The following ANK2 variants were observed in gnomAD, a reference collection of about 807,000 sequenced individuals.
The protein encoded by ANK2 is ankyrin-2.
Under a neutral mutation model 360.5 loss-of-function variants are expected in ANK2, and 83 were observed. That is an observed-to-expected ratio of 0.23 (90% CI 0.19 to 0.28). The LOEUF (loss-of-function observed/expected upper bound fraction) is 0.28, where lower values mean the gene tolerates loss of function less well. ANK2 is among the 10% of genes least tolerant of loss of function. The pLI, the probability that ANK2 is intolerant of heterozygous loss-of-function variation, is 1.00. For missense variants in ANK2, 4,201 were observed against 4,795.7 expected (o/e 0.88, Z 3.66); for synonymous variants, 1,740 against 1,759.5 (o/e 0.99, Z 0.28).
chr4:112,835,708 A>T (rs1040626109), intron 1 of ANK2, among the ~76,000 whole-genome samples: 6 of 152,204 alleles, frequency 3.9e-5, no homozygotes, highest in African/African-American at 7.2e-5. Flanking sequence ...GGATTAAATT[A>T]AAAAACTATC....
At chr4:113,314,962 C>G (rs1338018803) in intron 24 of ANK2, among the ~76,000 whole-genome samples, 1 of 152,018 alleles carries the variant, frequency 6.6e-6, no homozygotes, top group Non-Finnish European at 1.5e-5. Flanking sequence ...ATTGTTGCTC[C>G]CTCTCTCTGT....
chr4:113,246,036 T>C (rs1240948967), intron 9 of ANK2, among the ~76,000 whole-genome samples: 1 of 152,226 alleles, frequency 6.6e-6, no homozygotes, highest in Non-Finnish European at 1.5e-5. Context: ...CCTCAGGTGA[T>C]CTGCCCGCCT....
intron 18 of ANK2, among the ~76,000 whole-genome samples, chr4:113,283,805 G>A (rs539927769): frequency 2.0e-5 from 3 of 152,202 alleles, no homozygotes; most frequent in East Asian, 1.9e-4. Flanking sequence ...TGAAAATTAC[G>A]TTTCTTAGCT....
intron 1 of ANK2, among the ~76,000 whole-genome samples, chr4:113,172,576 C>A (rs906109213): frequency 1.3e-5 from 2 of 152,056 alleles, no homozygotes; most frequent in Non-Finnish European, 2.9e-5. Flanking sequence ...GAGCTCTGTT[C>A]CTGACCCACT....
chr4:113,350,822 C>G (rs1210867645), intron 37 of ANK2: 1 of 139,484 alleles, frequency 7.2e-6, no homozygotes, highest in Non-Finnish European at 1.5e-5. Flanking sequence ...TCTGTGAAAA[C>G]TTTCTGAAAA....
chr4:113,289,197 T>A (rs1233298800), intron 20 of ANK2, among the ~76,000 whole-genome samples: 2 of 150,334 alleles, frequency 1.3e-5, no homozygotes, highest in African/African-American at 4.9e-5. Context: ...TAAGTTCATA[T>A]ATCAGAAATT....
intron 31 of ANK2, 28 bp from the exon 32 acceptor site, chr4:113,339,198 A>G (rs762424607): frequency 3.1e-5 from 49 of 1,584,456 alleles, no homozygotes; most frequent in African/African-American, 4.0e-5. Flanking sequence ...GTTTTGCCTG[A>G]TTTTTTTCAA....
At chr4:113,031,886 T>C (rs1479977130) in intron 2 of ANK2, among the ~76,000 whole-genome samples, 1 of 151,870 alleles carries the variant, frequency 6.6e-6, no homozygotes, top group Non-Finnish European at 1.5e-5. Context: ...TCTTCTTTTT[T>C]TCCATCTTTT....
chr4:112,752,972 C>T, the ANK2 span, among the ~76,000 whole-genome samples: 5 of 152,126 alleles, frequency 3.3e-5, no homozygotes, highest in East Asian at 7.7e-4. Context: ...GCCTCCCACT[C>T]TTCTAAGCAA....
At chr4:112,811,096 C>CG in the ANK2 span, among the ~76,000 whole-genome samples, 4 of 151,758 alleles carry the variant, frequency 2.6e-5, no homozygotes, top group African/African-American at 9.7e-5. Context: ...CCACCATGCC[C>CG]GCTAATTTTT....
intron 1 of ANK2, among the ~76,000 whole-genome samples, chr4:113,110,199 G>A (rs998249460): frequency 4.6e-5 from 7 of 152,158 alleles, no homozygotes; most frequent in Admixed American, 2.0e-4. Context: ...TTACCTGGCC[G>A]CAGGCAAGAG....
the ANK2 span, among the ~76,000 whole-genome samples, chr4:112,793,679 C>T: frequency 6.0e-4 from 89 of 149,202 alleles, 2 homozygotes; most frequent in East Asian, 0.017. Flanking sequence ...AACTAAAGCT[C>T]AGATAGAAAT....
At chr4:113,238,722 T>C (rs1362465923) in intron 7 of ANK2, among the ~76,000 whole-genome samples, 1 of 152,098 alleles carries the variant, frequency 6.6e-6, no homozygotes, top group Non-Finnish European at 1.5e-5. Flanking sequence ...TTGAAGACAA[T>C]AGAGTAAAAA....
chr4:113,286,974 G>A (rs1030268896), intron 18 of ANK2, among the ~76,000 whole-genome samples: 2 of 151,970 alleles, frequency 1.3e-5, no homozygotes, highest in African/African-American at 4.8e-5. Context: ...ATTCATAACT[G>A]TACCTTAATT....
At chr4:112,711,417 G>A in the ANK2 span, among the ~76,000 whole-genome samples, 1 of 152,108 alleles carries the variant, frequency 6.6e-6, no homozygotes, top group Admixed American at 6.6e-5. Flanking sequence ...CAGCTACTTG[G>A]GAAGCTGAGG....
intron 2 of ANK2, among the ~76,000 whole-genome samples, chr4:112,981,095 G>C (rs1450822259): frequency 6.6e-6 from 1 of 152,220 alleles, no homozygotes; most frequent in Non-Finnish European, 1.5e-5. Context: ...AACTATTTGA[G>C]ATGGATCTGG....
chr4:113,249,727 A>G (rs768164484), intron 9 of ANK2, 37 bp from the exon 10 acceptor site: 2 of 1,600,110 alleles, frequency 1.2e-6, no homozygotes, highest in South Asian at 1.1e-5. Flanking sequence ...ATTTTTTTGA[A>G]GTGAACTTGG....
At chr4:112,752,776 C>T in the ANK2 span, among the ~76,000 whole-genome samples, 3 of 152,154 alleles carry the variant, frequency 2.0e-5, no homozygotes, top group African/African-American at 7.2e-5. Flanking sequence ...AATGATCCTC[C>T]TGTCTCAGCC....
At chr4:112,885,723 G>C (rs1165859939) in intron 1 of ANK2, among the ~76,000 whole-genome samples, 1 of 145,368 alleles carries the variant, frequency 6.9e-6, no homozygotes, top group Non-Finnish European at 1.5e-5. Flanking sequence ...CGTGAACCTG[G>C]GAGACAGAGC....
Sources: allele counts gnomAD v4.1 joint callset (sites outside exome capture counted in the v4.1 genomes callset), GRCh38; gene constraint gnomAD v4.1.1; transcripts MANE v1.5; gene names NCBI Gene and HGNC (gene_info 2026-07-23, HGNC 2026-07-21).